Variants in CSNK1G3 observed in about 807,000 individuals in gnomAD.
CSNK1G3 encodes casein kinase I isoform gamma-3.
Under a neutral mutation model 64.3 loss-of-function variants are expected in CSNK1G3, and 23 were observed. The observed-to-expected ratio is 0.36, with a 90% CI of 0.26 to 0.51. The LOEUF (loss-of-function observed/expected upper bound fraction) is 0.51, where lower values mean the gene tolerates loss of function less well. CSNK1G3 is among the 20% of genes least tolerant of loss of function. The pLI is 0.96. For missense variants in CSNK1G3, 357 were observed against 510.5 expected (o/e 0.70, Z 2.90); for synonymous variants, 158 against 162.2 (o/e 0.97, Z 0.20).
chr5:123,598,991 C>T (rs868606144), intron 10 of CSNK1G3, among the ~76,000 whole-genome samples: 1 of 152,160 alleles, frequency 6.6e-6, no homozygotes, highest in Middle Eastern at 3.4e-3. Flanking sequence ...CAGTTGTTAC[C>T]CCTTTTTGAC....
At chr5:123,530,394 TG>T (rs1438093640) in intron 1 of CSNK1G3, among the ~76,000 whole-genome samples, 1 of 152,192 alleles carries the variant, frequency 6.6e-6, no homozygotes, top group Non-Finnish European at 1.5e-5. Context: ...TAATATAGTA[TG>T]TTTTGATGAT....
chr5:123,556,151 T>C (rs1248457684), intron 3 of CSNK1G3, among the ~76,000 whole-genome samples: 1 of 152,082 alleles, frequency 6.6e-6, no homozygotes, highest in Non-Finnish European at 1.5e-5. Flanking sequence ...AGAACTAAGC[T>C]GATTGTTTTC....
chr5:123,610,208 G>C (rs1022253618), intron 12 of CSNK1G3, among the ~76,000 whole-genome samples: 1 of 152,022 alleles, frequency 6.6e-6, no homozygotes, highest in African/African-American at 2.4e-5. Flanking sequence ...ATGGTTCCTC[G>C]TTTTTTCTTT....
chr5:123,606,529 C>T (rs953276942), intron 12 of CSNK1G3, among the ~76,000 whole-genome samples: 7 of 152,176 alleles, frequency 4.6e-5, no homozygotes, highest in South Asian at 4.1e-4. Flanking sequence ...CTAATAATAC[C>T]TACTTCATAG....
intron 6 of CSNK1G3, among the ~76,000 whole-genome samples, chr5:123,587,473 TACA>T (rs780793449): frequency 3.3e-5 from 5 of 152,232 alleles, no homozygotes; most frequent in Non-Finnish European, 5.9e-5. Flanking sequence ...GACATTTTGT[TACA>T]ACAACAACTT....
chr5:123,590,332 A>T, intron 8 of CSNK1G3, 78 bp from the exon 9 acceptor site: 1 of 628,134 alleles, frequency 1.6e-6, no homozygotes, highest in Non-Finnish European at 2.4e-6. Flanking sequence ...ATATAATACA[A>T]TGTGCTTTTA....
chr5:123,546,204 T>C (rs1464802074), intron 2 of CSNK1G3, among the ~76,000 whole-genome samples: 5 of 152,182 alleles, frequency 3.3e-5, no homozygotes, highest in African/African-American at 1.2e-4. Context: ...TGATAACTTT[T>C]GGGGCATAGG....
rs1785718734 is a variant in CSNK1G3 at position 123,561,539 on chromosome 5, A to G, written c.289+3975A>G. 5.3e-5 allele frequency among the ~76,000 whole-genome samples: 8 copies of G among 152,300 alleles called. No homozygotes were observed. The South Asian group carries it at 1.5e-3, about 28-fold the overall frequency. Reference sequence around the variant, plus strand: ...AGGGTTGGTACAGCTGCTCAAAAGTAAGGAACCAGGCTCCTAACCTTGGTG... The same window carrying G: ...AGGGTTGGTACAGCTGCTCAAAAGTGAGGAACCAGGCTCCTAACCTTGGTG... On this transcript the variant is annotated intron_variant, in intron 4 of 12. Coordinates refer to ENST00000345990, the Ensembl canonical transcript of CSNK1G3.
At chr5:123,559,489 G>T (rs981125399) in intron 4 of CSNK1G3, among the ~76,000 whole-genome samples, 1 of 152,166 alleles carries the variant, frequency 6.6e-6, no homozygotes, top group African/African-American at 2.4e-5. Flanking sequence ...CCATAGGACT[G>T]CAGTGTTGCA....
chr5:123,585,108 T>C (rs1343075834), intron 6 of CSNK1G3, among the ~76,000 whole-genome samples: 1 of 152,148 alleles, frequency 6.6e-6, no homozygotes, highest in Non-Finnish European at 1.5e-5. Context: ...GGTATTGATA[T>C]GAAGGCAGAT....
intron 4 of CSNK1G3, among the ~76,000 whole-genome samples, chr5:123,568,043 G>A (rs1192534422): frequency 1.3e-5 from 2 of 152,188 alleles, no homozygotes; most frequent in Non-Finnish European, 2.9e-5. Flanking sequence ...AAGAGGTCAG[G>A]TGAATATGGC....
intron 4 of CSNK1G3, among the ~76,000 whole-genome samples, chr5:123,563,740 A>G (rs1355130717): frequency 6.6e-6 from 1 of 152,110 alleles, no homozygotes; most frequent in East Asian, 1.9e-4. Context: ...TTTAGGTAAG[A>G]CATTCAAAAA....
chr5:123,529,050 C>T (rs12659301), intron 1 of CSNK1G3, among the ~76,000 whole-genome samples: 13,973 of 152,172 alleles, frequency 0.092, 679 homozygotes, highest in South Asian at 0.12. Flanking sequence ...GGCCCCCAAG[C>T]TTAGGGCTGA....
intron 6 of CSNK1G3, among the ~76,000 whole-genome samples, chr5:123,587,417 C>G (rs1428997503): frequency 6.6e-6 from 1 of 152,166 alleles, no homozygotes. Context: ...TTATAAGCAT[C>G]TCCCTGAGCC....
intron 1 of CSNK1G3, among the ~76,000 whole-genome samples, chr5:123,523,865 A>G (rs560164310): frequency 6.6e-6 from 1 of 152,318 alleles, no homozygotes; most frequent in South Asian, 2.1e-4. Flanking sequence ...TTCATTGTGG[A>G]AATAGCAAAT....
chr5:123,612,497 G>A (rs2897788), intron 12 of CSNK1G3, among the ~76,000 whole-genome samples: 112,268 of 149,024 alleles, frequency 0.75, 42,476 homozygotes, highest in East Asian at 0.94. Flanking sequence ...TTTTTTTTTG[G>A]AACAGAGTCT....
intron 10 of CSNK1G3, among the ~76,000 whole-genome samples, chr5:123,602,727 A>G (rs1158774432): frequency 6.6e-6 from 1 of 152,144 alleles, no homozygotes. Context: ...TAAGGTGCCA[A>G]ACTTGGCTTA....
chr5:123,564,827 C>CTGT (rs1303472224), intron 4 of CSNK1G3, among the ~76,000 whole-genome samples: 5 of 152,222 alleles, frequency 3.3e-5, no homozygotes, highest in Admixed American at 2.6e-4. Flanking sequence ...AATGGAAGGA[C>CTGT]TGTTACCAAG....
intron 12 of CSNK1G3, among the ~76,000 whole-genome samples, chr5:123,608,840 C>G (rs1795817643): frequency 6.6e-6 from 1 of 151,994 alleles, no homozygotes; most frequent in South Asian, 2.1e-4. Flanking sequence ...TAAGGAGCAG[C>G]CAGGGTTAAG....
Sources: allele counts gnomAD v4.1 joint callset (sites outside exome capture counted in the v4.1 genomes callset), GRCh38; gene constraint gnomAD v4.1.1; transcripts MANE v1.5; gene names NCBI Gene and HGNC (gene_info 2026-07-23, HGNC 2026-07-21).